The following CCSER1 variants were observed in gnomAD, a reference collection of about 807,000 sequenced individuals.
CCSER1 encodes coiled-coil serine rich protein 1.
Under a neutral mutation model 82.0 loss-of-function variants are expected in CCSER1, and 41 were observed. That is an observed-to-expected ratio of 0.50 (90% confidence interval 0.39 to 0.65). The LOEUF is 0.65. Among genes scored for constraint, CCSER1 ranks in the 30% least tolerant of loss-of-function variants. CCSER1 has a pLI of 0.00. For synonymous variants in CCSER1, 414 were observed against 383.9 expected, an observed-to-expected ratio of 1.08 and a Z score of -0.92; for missense variants, 1,119 against 1,064.2, an observed-to-expected ratio of 1.05 and a Z score of -0.72.
intron 6 of CCSER1, among the ~76,000 whole-genome samples, chr4:90,694,255 A>G (rs1461930869): frequency 6.6e-6 from 1 of 151,978 alleles, no homozygotes. Context: ...CTTGCTAACT[A>G]ACTACTTTAT....
chr4:90,757,933 CTT>C (rs200053849), intron 7 of CCSER1, among the ~76,000 whole-genome samples: 57 of 136,460 alleles, frequency 4.2e-4, no homozygotes, highest in Admixed American at 5.9e-4. Flanking sequence ...GTTTCCTTTT[CTT>C]TTTTTTTTTT....
intron 10 of CCSER1, among the ~76,000 whole-genome samples, chr4:91,289,904 A>C (rs1159797010): frequency 6.6e-6 from 1 of 152,054 alleles, no homozygotes; most frequent in Non-Finnish European, 1.5e-5. Context: ...AACAACAACA[A>C]AACACAATCA....
chr4:90,261,297 T>C (rs1203973768), intron 1 of CCSER1, among the ~76,000 whole-genome samples: 1 of 152,042 alleles, frequency 6.6e-6, no homozygotes, highest in Non-Finnish European at 1.5e-5. Context: ...GGTTTGGTAG[T>C]GGCAAATACC....
At chr4:90,780,291 A>T (rs1305962801) in intron 7 of CCSER1, 6 of 832,476 alleles carry the variant, frequency 7.2e-6, no homozygotes, top group Admixed American at 2.8e-5. Context: ...ATCCTAAAAA[A>T]GTAAGTCTAA....
chr4:90,634,694 T>C (rs1560853364), intron 6 of CCSER1, among the ~76,000 whole-genome samples: 1 of 151,828 alleles, frequency 6.6e-6, no homozygotes, highest in South Asian at 2.1e-4. Flanking sequence ...ATGGCCACAG[T>C]GGAGAGTCAT....
At chr4:90,966,957 G>A (rs2150388995) in intron 9 of CCSER1, among the ~76,000 whole-genome samples, 1 of 152,102 alleles carries the variant, frequency 6.6e-6, no homozygotes, top group East Asian at 1.9e-4. Flanking sequence ...TCTTGAAAAT[G>A]AAAAACAAAA....
At chr4:90,570,700 A>G (rs1387643209) in intron 5 of CCSER1, among the ~76,000 whole-genome samples, 1 of 152,088 alleles carries the variant, frequency 6.6e-6, no homozygotes, top group Non-Finnish European at 1.5e-5. Context: ...TGGACATGGA[A>G]AGGGAGTCAT....
chr4:90,727,309 A>C (rs1428821970), intron 7 of CCSER1: 2 of 455,408 alleles, frequency 4.4e-6, no homozygotes, highest in Non-Finnish European at 8.8e-6. Context: ...TAGGAACAAA[A>C]TGTTATCAAA....
intron 7 of CCSER1, chr4:90,780,670 A>T (rs1753645172): frequency 1.5e-6 from 2 of 1,349,066 alleles, no homozygotes; most frequent in Admixed American, 3.5e-5. Flanking sequence ...AATAATAATG[A>T]ACTAAGGAGG....
intron 3 of CCSER1, among the ~76,000 whole-genome samples, chr4:90,396,999 T>A (rs1271909513): frequency 1.3e-5 from 2 of 152,100 alleles, no homozygotes; most frequent in Admixed American, 6.6e-5. Flanking sequence ...TAGGGAGAGA[T>A]CTGGAAAAGA....
chr4:91,183,189 G>C (rs188071479), intron 10 of CCSER1, among the ~76,000 whole-genome samples: 13 of 152,278 alleles, frequency 8.5e-5, no homozygotes, highest in African/African-American at 3.1e-4. Flanking sequence ...AATAGTAACT[G>C]AGCATTTTCA....
intron 10 of CCSER1, among the ~76,000 whole-genome samples, chr4:91,550,680 C>A (rs531517706): frequency 2.6e-5 from 4 of 152,018 alleles, no homozygotes; most frequent in Non-Finnish European, 5.9e-5. Context: ...CTATATCATA[C>A]CATATCTTAC....
chr4:90,921,234 G>A (rs1728335459), intron 8 of CCSER1, among the ~76,000 whole-genome samples: 1 of 151,872 alleles, frequency 6.6e-6, no homozygotes, highest in Non-Finnish European at 1.5e-5. Flanking sequence ...TCTTCTAAGT[G>A]TATGTGATAG....
At chr4:90,153,739 T>A (rs1727395635) in intron 1 of CCSER1, among the ~76,000 whole-genome samples, 1 of 152,228 alleles carries the variant, frequency 6.6e-6, no homozygotes, top group Non-Finnish European at 1.5e-5. Flanking sequence ...GTTTATTTTT[T>A]TCTTGTAAAT....
intron 6 of CCSER1, among the ~76,000 whole-genome samples, chr4:90,631,379 A>T (rs1224856013): frequency 6.6e-6 from 1 of 152,154 alleles, no homozygotes; most frequent in African/African-American, 2.4e-5. Context: ...GTGGAAATGC[A>T]ATGCATTCAT....
chr4:90,622,083 T>C (rs755740657), intron 5 of CCSER1, among the ~76,000 whole-genome samples: 37 of 152,374 alleles, frequency 2.4e-4, no homozygotes, highest in Non-Finnish European at 4.3e-4. Flanking sequence ...TCTTTGTATT[T>C]GGAACATGAG....
rs138939558 is a variant in CCSER1, at chr4:91,218,616, G to A, written c.2217+132622G>A. On this transcript the variant is annotated intron_variant, in intron 10 of 10. Transcript: ENST00000509176. The stretch of plus-strand genomic sequence containing the variant: ...ATGATACATAACACTAGTGTACTTT[G>A]AGGAAATTTCATTGAATTGTTGGGC... 1.6e-3 allele frequency among the ~76,000 whole-genome samples: 245 copies of A among 152,300 alleles called. 2 individuals are homozygous for A. The highest frequency in any genetic ancestry group is 5.5e-3 in the African/African-American group (230 of 41,564).
chr4:90,409,505 C>T (rs915296272), intron 4 of CCSER1, among the ~76,000 whole-genome samples: 6 of 152,040 alleles, frequency 3.9e-5, no homozygotes, highest in Non-Finnish European at 7.4e-5. Flanking sequence ...AATTTTCAAC[C>T]CAGAATTTAA....
chr4:91,563,143 A>G (rs1028314860), intron 10 of CCSER1, among the ~76,000 whole-genome samples: 1 of 151,708 alleles, frequency 6.6e-6, no homozygotes, highest in East Asian at 1.9e-4. Context: ...CAAAATAAAG[A>G]AAAGAAGGAA....
Sources: allele counts gnomAD v4.1 joint callset (sites outside exome capture counted in the v4.1 genomes callset), GRCh38; gene constraint gnomAD v4.1.1; transcripts MANE v1.5; gene names NCBI Gene and HGNC (gene_info 2026-07-23, HGNC 2026-07-21).